The following ENTPD1 variants were observed in gnomAD, a reference collection of about 807,000 sequenced individuals.
The protein encoded by ENTPD1 is ectonucleoside triphosphate diphosphohydrolase 1.
In ENTPD1, 33 loss-of-function variants were observed where a neutral mutation model predicts 57.0. That is an observed-to-expected ratio of 0.58 (90% CI 0.44 to 0.77). ENTPD1 has a LOEUF of 0.77. Ranked by LOEUF, ENTPD1 falls within the 30% of genes least tolerant of loss-of-function variation. The pLI, the probability that ENTPD1 is intolerant of heterozygous loss-of-function variation, is 0.00. For missense variants in ENTPD1, 501 were observed against 603.4 expected, an observed-to-expected ratio of 0.83 and a Z score of 1.78; for synonymous variants, 202 against 218.8, an observed-to-expected ratio of 0.92 and a Z score of 0.68.
chr10:95,871,706 T>C lies in ENTPD1; in HGVS notation c.*5323T>C, dbSNP rs1326766926. 4.1e-6 allele frequency: 4 copies of C among 985,352 alleles called. No homozygotes were observed. In the African/African-American group the frequency reaches 7.0e-5, roughly 17 times the overall value. 61.0% of individuals were successfully genotyped at this position (985,352 alleles called of 1,614,324 possible). ...TAAATTAAGTTATAAATTGACACTA[T>C]AATCAACTGACACCATGATCAGTGA... is the stretch of plus-strand genomic sequence containing the variant. On this transcript the variant is annotated 3_prime_UTR_variant, in exon 10 of 10. Coordinates refer to ENST00000371205, the MANE Select transcript of ENTPD1 (RefSeq NM_001776.6).
intron 2 of ENTPD1, among the ~76,000 whole-genome samples, chr10:95,833,346 G>A (rs1590068359): frequency 6.6e-6 from 1 of 152,274 alleles, no homozygotes; most frequent in East Asian, 1.9e-4. Flanking sequence ...TAAAGATCTA[G>A]TAACTCTAAT....
At chr10:95,812,356 T>C (rs1222448259) in intron 1 of ENTPD1, among the ~76,000 whole-genome samples, 3 of 152,242 alleles carry the variant, frequency 2.0e-5, no homozygotes, top group African/African-American at 7.2e-5. Context: ...TGTTTGAGTC[T>C]GGTTTCTTTT....
chr10:95,822,158 C>T (rs2098355033), intron 1 of ENTPD1, among the ~76,000 whole-genome samples: 1 of 151,684 alleles, frequency 6.6e-6, no homozygotes, highest in Admixed American at 6.6e-5. Context: ...CGCCACCATG[C>T]CCATCTAATT....
At chr10:95,789,334 CAA>C (rs1392518077) in intron 1 of ENTPD1, among the ~76,000 whole-genome samples, 4 of 152,112 alleles carry the variant, frequency 2.6e-5, no homozygotes, top group African/African-American at 9.7e-5. Flanking sequence ...TGATACGTGG[CAA>C]AGTCTTAAAT....
At chr10:95,837,956 T>TCTCA (rs1555301102) in intron 2 of ENTPD1, among the ~76,000 whole-genome samples, 8 of 146,822 alleles carry the variant, frequency 5.4e-5, no homozygotes, top group African/African-American at 2.0e-4. Flanking sequence ...GTAGGGAGAT[T>TCTCA]CACACACACA....
chr10:95,756,617 C>T (rs1197777701), intron 1 of ENTPD1: 1 of 234,930 alleles, frequency 4.3e-6, no homozygotes, highest in East Asian at 9.6e-5. Flanking sequence ...GGGTCTGTAC[C>T]TCAGGGTGTT....
intron 1 of ENTPD1, among the ~76,000 whole-genome samples, chr10:95,779,919 G>T (rs375044578): frequency 6.6e-6 from 1 of 152,090 alleles, no homozygotes; most frequent in African/African-American, 2.4e-5. Context: ...TATGAGGTGA[G>T]AACTGCTGTT....
intron 1 of ENTPD1, among the ~76,000 whole-genome samples, chr10:95,713,033 T>TAA (rs1555272407): frequency 1.1e-4 from 16 of 143,042 alleles, no homozygotes; most frequent in East Asian, 4.0e-4. Flanking sequence ...GATTCTGTCT[T>TAA]AAAAAAAAAA....
At chr10:95,797,614 A>G (rs1342670818) in intron 1 of ENTPD1, among the ~76,000 whole-genome samples, 1 of 152,196 alleles carries the variant, frequency 6.6e-6, no homozygotes, top group Non-Finnish European at 1.5e-5. Flanking sequence ...GGAAGCTTAC[A>G]ATTGTGGCAG....
intron 1 of ENTPD1, among the ~76,000 whole-genome samples, chr10:95,819,348 T>C (rs548380126): frequency 6.6e-6 from 1 of 152,076 alleles, no homozygotes; most frequent in East Asian, 1.9e-4. Context: ...ATTTTTTTTG[T>C]AGAGACAGAT....
intron 3 of ENTPD1, among the ~76,000 whole-genome samples, chr10:95,840,144 T>G (rs997967014): frequency 6.6e-6 from 1 of 152,190 alleles, no homozygotes; most frequent in African/African-American, 2.4e-5. Context: ...ACTAATTTTT[T>G]AAAAATGAGG....
At chr10:95,761,382 A>G (rs2098061641) in intron 1 of ENTPD1, among the ~76,000 whole-genome samples, 1 of 152,178 alleles carries the variant, frequency 6.6e-6, no homozygotes, top group Admixed American at 6.5e-5. Flanking sequence ...GTAGGTCTAC[A>G]TTTCTAACAA....
At chr10:95,793,764 C>A (rs2098215400) in intron 1 of ENTPD1, among the ~76,000 whole-genome samples, 1 of 151,948 alleles carries the variant, frequency 6.6e-6, no homozygotes, top group Non-Finnish European at 1.5e-5. Flanking sequence ...AAGTCCAGGG[C>A]CTACCCTCTG....
chr10:95,728,148 G>T (rs1433730312), intron 1 of ENTPD1, among the ~76,000 whole-genome samples: 3 of 152,110 alleles, frequency 2.0e-5, no homozygotes, highest in Admixed American at 6.5e-5. Flanking sequence ...GGCTATAGGC[G>T]CTGAGCCTCA....
chr10:95,810,493 C>A (rs2140439682), intron 1 of ENTPD1, among the ~76,000 whole-genome samples: 2 of 150,672 alleles, frequency 1.3e-5, no homozygotes, highest in South Asian at 4.2e-4. Flanking sequence ...GGCGGCCAGG[C>A]AGAGACGCTC....
chr10:95,868,952 C>T lies in ENTPD1; in HGVS notation c.*2569C>T. 1 of 985,244 alleles carries T rather than the reference C, an allele frequency of 1.0e-6. No individual in the cohort carries two copies. The allele number at this position is 985,244 out of a possible 1,614,324, so 61.0% of individuals were successfully genotyped here. A position where few individuals can be genotyped will look rare whatever the true frequency, so the allele number is the denominator to read the frequency against. On this transcript the variant is annotated 3_prime_UTR_variant, in exon 10 of 10. Coordinates refer to ENST00000371205, the MANE Select transcript of ENTPD1 (RefSeq NM_001776.6). ...ACAATCAGCAGACACAACCTAACCC[C>T]AATTATTTTGGCAGGAAGGTTGGTT...
At position 95,842,254 on chromosome 10, in the gene ENTPD1, T is replaced by C; in HGVS notation, c.263-90T>C. On this transcript the variant is annotated intron_variant, in intron 3 of 9. Coordinates refer to ENST00000371205, the MANE Select transcript of ENTPD1 (RefSeq NM_001776.6). ...TCAGGAAATTGTTTTCTTGTATTTTTTTCAAAACACCATATTTTGATCTAC... is the reference window on the plus strand; with the variant it reads ...TCAGGAAATTGTTTTCTTGTATTTTCTTCAAAACACCATATTTTGATCTAC... The C allele has an allele frequency of 2.4e-6, 3 of 1,235,812 alleles. No homozygotes were observed. The South Asian group carries it at 3.9e-5, about 16-fold the overall frequency. 76.6% of individuals were successfully genotyped at this position (1,235,812 alleles called of 1,614,324 possible).
chr10:95,828,074 C>A (rs2098383925), intron 2 of ENTPD1, among the ~76,000 whole-genome samples: 1 of 152,110 alleles, frequency 6.6e-6, no homozygotes, highest in Non-Finnish European at 1.5e-5. Context: ...GGTCCCCAAC[C>A]CCCAGGCCAT....
At position 95,758,002 on chromosome 10, in the gene ENTPD1, C is replaced by CAAAAAAAAAAAAAAAAAAAAAAA. The variant is rs57407553; in HGVS notation, c.16+1753_16+1775dup. Among the ~76,000 whole-genome samples, 37 of 26,394 alleles carry CAAAAAAAAAAAAAAAAAAAAAAA rather than the reference C, an allele frequency of 1.4e-3. 2 individuals are homozygous for CAAAAAAAAAAAAAAAAAAAAAAA. The highest frequency in any genetic ancestry group is 1.7e-3 in the East Asian group (1 of 578). The allele number at this position is 26,394 out of a possible 152,430, so 17.3% of individuals were successfully genotyped here. ...CCTGGGCGAGAGTGAGACACTGTCT[C>CAAAAAAAAAAAAAAAAAAAAAAA]AAAAAAAAAAAAAAAAAAAAAAAAA... On this transcript the variant is annotated intron_variant, in intron 1 of 9. Transcript: ENST00000371205.
Sources: gnomAD v4.1 joint callset for allele counts (sites outside exome capture counted in the v4.1 genomes callset) on GRCh38, gnomAD v4.1.1 for gene constraint, MANE v1.5 for transcripts, NCBI Gene and HGNC (gene_info 2026-07-23, HGNC 2026-07-21) for gene names.